LINGO2: variants seen among roughly 807,000 people sequenced by gnomAD.
LINGO2 encodes leucine-rich repeat and immunoglobulin-like domain-containing nogo receptor-interacting protein 2.
In LINGO2, 14 loss-of-function variants were observed where a neutral mutation model predicts 30.6. That is an observed-to-expected ratio of 0.46 (90% CI 0.30 to 0.72). The LOEUF (loss-of-function observed/expected upper bound fraction) is 0.72, where lower values mean the gene tolerates loss of function less well. Ranked by LOEUF, LINGO2 falls within the 30% of genes least tolerant of loss-of-function variation. The pLI is 0.07. For missense variants in LINGO2, 729 were observed against 751.7 expected, an observed-to-expected ratio of 0.97 and a Z score of 0.35; for synonymous variants, 317 against 288.5, an observed-to-expected ratio of 1.10 and a Z score of -1.00.
At chr9:28,681,586 A>G in the LINGO2 span, among the ~76,000 whole-genome samples, 2 of 152,126 alleles carry the variant, frequency 1.3e-5, no homozygotes, top group African/African-American at 4.8e-5. Flanking sequence ...AATGTCTCCA[A>G]GAAGAAAAGG....
the LINGO2 span, among the ~76,000 whole-genome samples, chr9:28,893,464 T>A: frequency 2.6e-5 from 4 of 151,998 alleles, no homozygotes; most frequent in Non-Finnish European, 1.5e-5. Flanking sequence ...TGCAGTTTTT[T>A]AAAAATATAA....
chr9:28,432,663 T>G (rs998949094), intron 2 of LINGO2, among the ~76,000 whole-genome samples: 5 of 152,140 alleles, frequency 3.3e-5, no homozygotes, highest in African/African-American at 1.2e-4. Flanking sequence ...AGATCTGAAT[T>G]CTGTCTCTAT....
the LINGO2 span, among the ~76,000 whole-genome samples, chr9:29,024,060 G>C: frequency 6.6e-6 from 1 of 151,858 alleles, no homozygotes; most frequent in Non-Finnish European, 1.5e-5. Context: ...ACTTTGCCCT[G>C]CTGCCACTGG....
chr9:28,924,832 G>C, the LINGO2 span, among the ~76,000 whole-genome samples: 1 of 152,180 alleles, frequency 6.6e-6, no homozygotes, highest in Non-Finnish European at 1.5e-5. Flanking sequence ...TTGATGAAGT[G>C]ACCTCTTTAT....
intron 3 of LINGO2, among the ~76,000 whole-genome samples, chr9:28,305,154 A>G: frequency 6.6e-6 from 1 of 152,088 alleles, no homozygotes; most frequent in Non-Finnish European, 1.5e-5. Flanking sequence ...GACATACAAA[A>G]AGCATTTGAC....
intron 5 of LINGO2, among the ~76,000 whole-genome samples, chr9:28,002,282 T>A (rs1326606940): frequency 6.7e-6 from 1 of 150,004 alleles, no homozygotes; most frequent in East Asian, 2.0e-4. Flanking sequence ...TTTTGTTCCC[T>A]CTCGTATTTC....
chr9:28,397,586 C>A (rs572113480), intron 2 of LINGO2, among the ~76,000 whole-genome samples: 1 of 127,184 alleles, frequency 7.9e-6, no homozygotes, highest in Admixed American at 9.5e-5. Context: ...CTCAGTCTGT[C>A]GCCCAGGGTG....
intron 4 of LINGO2, among the ~76,000 whole-genome samples, chr9:28,232,419 CAA>C (rs1220539550): frequency 6.3e-5 from 5 of 79,790 alleles, no homozygotes; most frequent in Non-Finnish European, 9.7e-5. Context: ...TTCTATCTCA[CAA>C]AAAAAAAAAA....
intron 4 of LINGO2, among the ~76,000 whole-genome samples, chr9:28,127,363 G>C (rs1827265704): frequency 6.6e-6 from 1 of 152,184 alleles, no homozygotes; most frequent in Non-Finnish European, 1.5e-5. Context: ...AGGCCCTGGA[G>C]GATGAGAGAC....
At chr9:28,941,377 A>G in the LINGO2 span, among the ~76,000 whole-genome samples, 1 of 152,126 alleles carries the variant, frequency 6.6e-6, no homozygotes, top group Admixed American at 6.6e-5. Flanking sequence ...TTCCTTTTTC[A>G]ATGATCCTGT....
At chr9:28,057,592 C>CATATATATACACATATATGTATATAA (rs1824994174) in intron 4 of LINGO2, among the ~76,000 whole-genome samples, 4 of 145,598 alleles carry the variant, frequency 2.7e-5, no homozygotes, top group Non-Finnish European at 4.5e-5. Context: ...TATGTATATA[C>CATATATATACACATATATGTATATAA]ATATATATAC....
intron 5 of LINGO2, among the ~76,000 whole-genome samples, chr9:27,984,001 AC>A (rs1358679101): frequency 6.6e-6 from 1 of 151,842 alleles, no homozygotes; most frequent in African/African-American, 2.4e-5. Flanking sequence ...AGAGTAGAGG[AC>A]GAAAAGAAGA....
the LINGO2 span, among the ~76,000 whole-genome samples, chr9:28,826,747 A>G: frequency 6.6e-6 from 1 of 152,140 alleles, no homozygotes; most frequent in Non-Finnish European, 1.5e-5. Context: ...GTTCCCTTTT[A>G]TTTTCTATTC....
chr9:28,143,857 G>GA (rs907777426), intron 4 of LINGO2, among the ~76,000 whole-genome samples: 14 of 151,912 alleles, frequency 9.2e-5, no homozygotes, highest in African/African-American at 3.4e-4. Context: ...TTAATCCAGA[G>GA]AAAAAATTCA....
chr9:28,207,206 C>A (rs7852404), intron 4 of LINGO2, among the ~76,000 whole-genome samples: 19,513 of 152,000 alleles, frequency 0.13, 1,395 homozygotes, highest in East Asian at 0.23. Context: ...TATTCAAACT[C>A]AAAGTACTTT....
At chr9:28,758,215 C>T in the LINGO2 span, among the ~76,000 whole-genome samples, 1 of 152,054 alleles carries the variant, frequency 6.6e-6, no homozygotes, top group African/African-American at 2.4e-5. Flanking sequence ...CTCAGTAACT[C>T]CTGTACTTTG....
At chr9:29,189,766 T>G in the LINGO2 span, among the ~76,000 whole-genome samples, 1 of 152,004 alleles carries the variant, frequency 6.6e-6, no homozygotes, top group Non-Finnish European at 1.5e-5. Context: ...TCCCGGCACC[T>G]CGGGAGGCCG....
At chr9:28,846,889 T>A in the LINGO2 span, among the ~76,000 whole-genome samples, 13 of 146,860 alleles carry the variant, frequency 8.9e-5, 2 homozygotes, top group South Asian at 2.8e-3. Flanking sequence ...GTTAGCAGTG[T>A]TCTGCTCCTC....
At chr9:29,127,143 G>C in the LINGO2 span, among the ~76,000 whole-genome samples, 1 of 152,102 alleles carries the variant, frequency 6.6e-6, no homozygotes, top group Non-Finnish European at 1.5e-5. Context: ...CCTCTAGAGA[G>C]TATTTAAGCC....
Sources: gnomAD v4.1 joint callset for allele counts (sites outside exome capture counted in the v4.1 genomes callset) on GRCh38, gnomAD v4.1.1 for gene constraint, MANE v1.5 for transcripts, NCBI Gene and HGNC (gene_info 2026-07-23, HGNC 2026-07-21) for gene names.